The following BIRC6 variants were observed in gnomAD, a reference collection of about 807,000 sequenced individuals.
BIRC6 encodes dual E2 ubiquitin-conjugating enzyme/E3 ubiquitin-protein ligase BIRC6.
A neutral mutation model predicts 503.3 loss-of-function variants in BIRC6; 98 were observed. The ratio of observed to expected loss-of-function variants is 0.19; its 90% CI spans 0.17 to 0.23. BIRC6 has a LOEUF of 0.23. Among genes scored for constraint, BIRC6 ranks in the 10% least tolerant of loss-of-function variants. The pLI is 1.00. For missense variants in BIRC6, 5,360 were observed against 5,806.0 expected, an observed-to-expected ratio of 0.92 and a Z score of 2.50; for synonymous variants, 2,240 against 2,078.7, an observed-to-expected ratio of 1.08 and a Z score of -2.11.
At chr2:32,449,849 C>T (rs2046486750) in intron 22 of BIRC6, among the ~76,000 whole-genome samples, 2 of 152,220 alleles carry the variant, frequency 1.3e-5, no homozygotes, top group Non-Finnish European at 2.9e-5. Context: ...GCATACTACA[C>T]ATACTGGTCT....
chr2:32,473,055 G>A (rs559507566), intron 32 of BIRC6, 57 bp from the exon 33 acceptor site: 31 of 1,435,266 alleles, frequency 2.2e-5, no homozygotes, highest in Middle Eastern at 4.8e-4. Flanking sequence ...GGGTAGGAAA[G>A]GTACTTTAAA....
At chr2:32,450,400 T>A (rs1324372825) in intron 22 of BIRC6, among the ~76,000 whole-genome samples, 1 of 151,980 alleles carries the variant, frequency 6.6e-6, no homozygotes, top group Non-Finnish European at 1.5e-5. Flanking sequence ...AGGCAGAGCT[T>A]GCAGTGAGCT....
rs140442213 is a variant in BIRC6, at chr2:32,562,683, G to A, written c.13145-12473G>A. 6.7e-3 allele frequency among the ~76,000 whole-genome samples: 1,013 copies of A among 152,232 alleles called. 11 individuals carry two copies. The highest frequency in any genetic ancestry group is 0.017 in the Middle Eastern group (5 of 292). On this transcript the variant is annotated intron_variant, in intron 65 of 73. Coordinates refer to ENST00000421745, the MANE Select transcript of BIRC6 (RefSeq NM_016252.4). ...GCCTTTTTCAGAATGTCATATAGTT[G>A]TAATCATAAGATCTAGCCTTTTAGA...
At chr2:32,501,934 T>A (rs2053238910) in intron 47 of BIRC6, 46 bp downstream of exon 47, 1 of 1,517,876 alleles carries the variant, frequency 6.6e-7, no homozygotes, top group African/African-American at 1.4e-5. Flanking sequence ...ATAAATTTAT[T>A]GCGATGTAAG....
rs371693565 is a variant in BIRC6, at chr2:32,515,178, A to G, written c.10757A>G (p.Gln3586Arg). ...TCCATGACAGATGATAGCAAAAAGC[A>G]GGATCTTAGTTCATCTTTAACAGAT... ...RLSMTDDSKK[Q>R]DLSSSLTDDS... is the part of the protein sequence containing the mutation. The change falls in exon 55 of 74, where the codon CAG (glutamine) becomes CGG (arginine). Residue 3586 changes from glutamine to arginine, a missense_variant. Transcript: ENST00000421745. 26 of 1,613,890 alleles carry G rather than the reference A, an allele frequency of 1.6e-5. No homozygotes were observed. The highest frequency in any genetic ancestry group is 2.2e-5 in the Non-Finnish European group (26 of 1,179,898).
In BIRC6 at chr2:32,415,829, A is replaced by T. The variant is rs779097285; in HGVS notation, c.2538A>T (p.Ile846=). 1.2e-6 allele frequency: 2 copies of T among 1,613,772 alleles called. No homozygotes were observed. The highest frequency in any genetic ancestry group is 1.7e-5 in the Admixed American group (1 of 60,006). Residue 846 remains isoleucine, a synonymous_variant, in exon 10 of 74, where the codon ATA becomes ATT. Coordinates refer to ENST00000421745, the MANE Select transcript of BIRC6 (RefSeq NM_016252.4). ...CTTTAGAAGAGGAGCCAATAAAAAT[A>T]CAACATATCAAAGATCCCCAGGACA... The part of the protein sequence containing the change: ...IVTLEEEPIK[I]QHIKDPQDTI...
rs151104752 is a variant in BIRC6 at position 32,556,602 on chromosome 2, T to C, written c.13144+7121T>C. Among the ~76,000 whole-genome samples the C allele has an allele frequency of 2.8e-4, 42 of 152,336 alleles. 1 individual carries two copies. In the East Asian group the frequency reaches 7.9e-3, roughly 29 times the overall value. On this transcript the variant is annotated intron_variant, in intron 65 of 73. Coordinates refer to ENST00000421745, the MANE Select transcript of BIRC6 (RefSeq NM_016252.4). ...GTTTATGCCAGTTGTATTTCCGCTA[T>C]ATAATTGTTTTGCAAACTAGATGTT... is the stretch of plus-strand genomic sequence containing the variant.
At chr2:32,419,778 T>C (rs1453992493) in intron 10 of BIRC6, among the ~76,000 whole-genome samples, 1 of 152,200 alleles carries the variant, frequency 6.6e-6, no homozygotes, top group Non-Finnish European at 1.5e-5. Flanking sequence ...TGAGCCATAA[T>C]TGCTTTGAAA....
At chr2:32,375,394 T>C (rs754033115) in intron 1 of BIRC6, among the ~76,000 whole-genome samples, 12 of 151,978 alleles carry the variant, frequency 7.9e-5, no homozygotes, top group Non-Finnish European at 1.3e-4. Flanking sequence ...GGCACAGTGG[T>C]GTGCTCCTGT....
Position 32,415,795 on chromosome 2 carries a change from G to C in BIRC6, c.2504G>C (p.Arg835Pro), listed in dbSNP as rs1022274342. 4 of 1,613,606 alleles carry C rather than the reference G, an allele frequency of 2.5e-6. No homozygotes were observed. In the East Asian group the frequency reaches 8.9e-5, roughly 36 times the overall value. Residue 835 changes from arginine (R) to proline (P), a missense_variant, in exon 10 of 74, where the codon CGG becomes CCG. Coordinates refer to ENST00000421745, the MANE Select transcript of BIRC6 (RefSeq NM_016252.4). Reference protein sequence around the residue: ...LVLYKMNYATRIVTLEEEPIK... With the variant: ...LVLYKMNYATPIVTLEEEPIK... ...CTTTATAAAATGAATTATGCCACTC[G>C]GATAGTGACTTTAGAAGAGGAGCCA...
At chr2:32,546,057 T>C (rs1427313721) in intron 63 of BIRC6, among the ~76,000 whole-genome samples, 197 bp downstream of exon 63, 1 of 152,158 alleles carries the variant, frequency 6.6e-6, no homozygotes, top group Non-Finnish European at 1.5e-5. Flanking sequence ...AAGAAACCTA[T>C]CTACTTGAAA....
intron 41 of BIRC6, among the ~76,000 whole-genome samples, chr2:32,488,148 T>C (rs2051228759): frequency 6.6e-6 from 1 of 151,980 alleles, no homozygotes; most frequent in Admixed American, 6.6e-5. Context: ...CGAGACCAGC[T>C]TGGGCAACAT....
chr2:32,453,782 T>A (rs764877787), intron 22 of BIRC6, 26 bp from the exon 23 acceptor site: 1 of 1,607,494 alleles, frequency 6.2e-7, no homozygotes. Flanking sequence ...TCTTCACGTG[T>A]TATAAAACTT....
chr2:32,445,003 A>G (rs948460882), intron 20 of BIRC6, among the ~76,000 whole-genome samples: 1 of 152,224 alleles, frequency 6.6e-6, no homozygotes, highest in Non-Finnish European at 1.5e-5. Flanking sequence ...ATACACTGTC[A>G]TGATAATCTT....
chr2:32,609,135 C>T (rs1249928730), intron 72 of BIRC6, among the ~76,000 whole-genome samples: 2 of 152,088 alleles, frequency 1.3e-5, no homozygotes, highest in African/African-American at 2.4e-5. Context: ...CCGCCCGCCT[C>T]GGCCTTCCAG....
intron 1 of BIRC6, among the ~76,000 whole-genome samples, chr2:32,360,459 G>A (rs1024850253): frequency 2.0e-5 from 3 of 152,180 alleles, no homozygotes; most frequent in African/African-American, 7.2e-5. Flanking sequence ...TCTGAGCTGC[G>A]TGATCTGGCT....
Position 32,476,300 on chromosome 2 carries a change from A to G in BIRC6, c.6808A>G (p.Lys2270Glu). The G allele has an allele frequency of 3.8e-6, 6 of 1,573,310 alleles. No individual in the cohort carries two copies. Among genetic ancestry groups the G allele is most frequent in the Non-Finnish European group, 5.2e-6 (6 of 1,157,766 alleles). Residue 2270 changes from lysine to glutamate, a missense_variant, in exon 34 of 74, where the codon AAA (lysine) becomes GAA (glutamate). Physicochemically the swap from Lys to Glu is moderately conservative, Grantham distance 56. Transcript: ENST00000421745. ...ACAAAGTAACAAAGGATCATCATAT[A>G]AACTCCTGGTAGAACAAGCAAAACT... ...KIQSNKGSSY[K>E]LLVEQAKLKQ...
intron 22 of BIRC6, 32 bp downstream of exon 22, chr2:32,448,960 A>G: frequency 6.3e-7 from 1 of 1,590,822 alleles, no homozygotes; most frequent in Non-Finnish European, 8.6e-7. Context: ...GGAAATTCTG[A>G]ATGTTGTATC....
chr2:32,485,615 T>G (rs1235964253), intron 39 of BIRC6, 28 bp from the exon 40 acceptor site: 1 of 1,461,360 alleles, frequency 6.8e-7, no homozygotes, highest in South Asian at 1.1e-5. Flanking sequence ...TGTCAATGTT[T>G]TCTTTTTCTT....
Sources: allele counts gnomAD v4.1 joint callset (sites outside exome capture counted in the v4.1 genomes callset), GRCh38; gene constraint gnomAD v4.1.1; transcripts MANE v1.5; gene names NCBI Gene and HGNC (gene_info 2026-07-23, HGNC 2026-07-21).